SCAPER: variants seen among roughly 807,000 people sequenced by gnomAD.
The protein encoded by SCAPER is S phase cyclin A-associated protein in the endoplasmic reticulum.
A neutral mutation model predicts 182.2 loss-of-function variants in SCAPER; 98 were observed. The observed-to-expected ratio is 0.54, with a 90% CI of 0.46 to 0.64. The LOEUF is 0.64. Ranked by LOEUF, SCAPER falls within the 30% of genes least tolerant of loss-of-function variation. The pLI, the probability that SCAPER is intolerant of heterozygous loss-of-function variation, is 0.00. For missense variants in SCAPER, 1,432 were observed against 1,690.0 expected (o/e 0.85, Z 2.68); for synonymous variants, 605 against 564.6 (o/e 1.07, Z -1.01).
chr15:76,793,210 T>G (rs777277596), intron 8 of SCAPER: 3 of 1,155,658 alleles, frequency 2.6e-6, no homozygotes, highest in Non-Finnish European at 3.8e-6. Flanking sequence ...CTACTGTTAT[T>G]ATATATTACT....
At chr15:76,402,463 A>G (rs1444253487) in intron 27 of SCAPER, among the ~76,000 whole-genome samples, 1 of 152,110 alleles carries the variant, frequency 6.6e-6, no homozygotes, top group Non-Finnish European at 1.5e-5. Flanking sequence ...CGTTTTTCTC[A>G]ACTGATTTTT....
intron 5 of SCAPER, among the ~76,000 whole-genome samples, chr15:76,822,182 C>T (rs775044167): frequency 7.2e-5 from 11 of 152,108 alleles, no homozygotes; most frequent in Non-Finnish European, 1.2e-4. Flanking sequence ...GATTTGTCAA[C>T]ACAGGCTCAT....
chr15:76,584,433 G>T, intron 22 of SCAPER, among the ~76,000 whole-genome samples: 1 of 150,248 alleles, frequency 6.7e-6, no homozygotes, highest in African/African-American at 2.5e-5. Flanking sequence ...GACATTAAGA[G>T]AGGATAAATG....
At chr15:76,358,920 G>T (rs970615356) in intron 29 of SCAPER, among the ~76,000 whole-genome samples, 1 of 152,204 alleles carries the variant, frequency 6.6e-6, no homozygotes, top group Admixed American at 6.5e-5. Context: ...AAGAGTGCTG[G>T]TGTTAGGCAG....
chr15:76,476,381 C>A (rs1014621970), intron 24 of SCAPER, among the ~76,000 whole-genome samples: 4 of 151,950 alleles, frequency 2.6e-5, no homozygotes, highest in Non-Finnish European at 5.9e-5. Flanking sequence ...AGAAGTCTTA[C>A]AACAATTTTC....
At chr15:76,823,946 T>C (rs1306719923) in intron 5 of SCAPER, among the ~76,000 whole-genome samples, 1 of 151,998 alleles carries the variant, frequency 6.6e-6, no homozygotes, top group Middle Eastern at 3.4e-3. Flanking sequence ...GGCAAGAATA[T>C]AAGCCGCTAT....
chr15:76,417,127 A>AT (rs1446943372), intron 26 of SCAPER, among the ~76,000 whole-genome samples: 1 of 152,122 alleles, frequency 6.6e-6, no homozygotes, highest in Non-Finnish European at 1.5e-5. Context: ...TAGGTATTAT[A>AT]TTTAAATAAA....
chr15:76,478,733 ACTAT>A (rs2143011355), intron 24 of SCAPER, among the ~76,000 whole-genome samples: 1 of 152,228 alleles, frequency 6.6e-6, no homozygotes, highest in African/African-American at 2.4e-5. Flanking sequence ...CTAATTGATA[ACTAT>A]CTATCATCGT....
chr15:76,496,432 A>G (rs2040546518), intron 24 of SCAPER, among the ~76,000 whole-genome samples: 1 of 152,164 alleles, frequency 6.6e-6, no homozygotes, highest in Non-Finnish European at 1.5e-5. Context: ...TGAGAGTTAT[A>G]AAGAATATGA....
intron 2 of SCAPER, among the ~76,000 whole-genome samples, chr15:76,878,697 G>A (rs11072634): frequency 0.14 from 20,651 of 152,068 alleles, 2,080 homozygotes; most frequent in East Asian, 0.47. Context: ...GGAGGCCAAG[G>A]CAGGAGGATT....
intron 5 of SCAPER, among the ~76,000 whole-genome samples, chr15:76,805,063 A>C (rs2066056025): frequency 6.6e-6 from 1 of 152,192 alleles, no homozygotes; most frequent in South Asian, 2.1e-4. Context: ...TATTATTAAA[A>C]ATTAACAATG....
intron 17 of SCAPER, among the ~76,000 whole-genome samples, chr15:76,706,569 C>A (rs2059272180): frequency 6.6e-6 from 1 of 152,124 alleles, no homozygotes; most frequent in African/African-American, 2.4e-5. Context: ...TACAGCAGAT[C>A]TCCAAATCTT....
chr15:76,366,883 A>T (rs1426368562), intron 29 of SCAPER, among the ~76,000 whole-genome samples: 3 of 151,934 alleles, frequency 2.0e-5, no homozygotes, highest in Admixed American at 6.6e-5. Flanking sequence ...CCAGACTGAT[A>T]CTCCAAAGTC....
At chr15:76,722,366 A>T (rs1477727180) in intron 17 of SCAPER, among the ~76,000 whole-genome samples, 1 of 152,172 alleles carries the variant, frequency 6.6e-6, no homozygotes, top group Non-Finnish European at 1.5e-5. Flanking sequence ...AATGTTCATC[A>T]AGGATATTGG....
chr15:76,353,390 A>G (rs2040728852), intron 30 of SCAPER, among the ~76,000 whole-genome samples: 1 of 152,244 alleles, frequency 6.6e-6, no homozygotes, highest in African/African-American at 2.4e-5. Context: ...CAGCTGACTA[A>G]GTTAATTTAG....
At chr15:76,590,775 T>A (rs890723588) in intron 22 of SCAPER, among the ~76,000 whole-genome samples, 1 of 152,202 alleles carries the variant, frequency 6.6e-6, no homozygotes, top group African/African-American at 2.4e-5. Flanking sequence ...AGGAAAGATA[T>A]GGAATCAACC....
chr15:76,644,550 A>T (rs2054379154), intron 21 of SCAPER, among the ~76,000 whole-genome samples: 1 of 152,006 alleles, frequency 6.6e-6, no homozygotes, highest in African/African-American at 2.4e-5. Context: ...TCATACATAC[A>T]GTACACTCTT....
At chr15:76,408,172 TAGCTACCCTC>T (rs2045007419) in intron 26 of SCAPER, among the ~76,000 whole-genome samples, 1 of 152,236 alleles carries the variant, frequency 6.6e-6, no homozygotes, top group Non-Finnish European at 1.5e-5. Context: ...TTTAATCTGT[TAGCTACCCTC>T]CATCTTTTAA....
At chr15:76,676,571 C>T (rs944181845) in intron 20 of SCAPER, among the ~76,000 whole-genome samples, 16 of 152,116 alleles carry the variant, frequency 1.1e-4, no homozygotes, top group Middle Eastern at 3.5e-3. Context: ...AAAAAGATTT[C>T]TCTATAAAGA....
Sources: allele counts gnomAD v4.1 joint callset (sites outside exome capture counted in the v4.1 genomes callset), GRCh38; gene constraint gnomAD v4.1.1; transcripts MANE v1.5; gene names NCBI Gene and HGNC (gene_info 2026-07-23, HGNC 2026-07-21).